Variants in EIF3E observed in about 807,000 individuals in gnomAD.
EIF3E encodes the protein eIF-3 p48.
A neutral mutation model predicts 59.3 loss-of-function variants in EIF3E; 25 were observed. The ratio of observed to expected loss-of-function variants is 0.42; its 90% CI spans 0.31 to 0.59. EIF3E has a LOEUF of 0.59. EIF3E is among the 20% of genes least tolerant of loss of function. The pLI is 0.15. For missense variants in EIF3E, 317 were observed against 534.3 expected, an observed-to-expected ratio of 0.59 and a Z score of 4.01; for synonymous variants, 176 against 170.2, an observed-to-expected ratio of 1.03 and a Z score of -0.26.
At chr8:108,233,332 A>C (rs1815658383) in intron 5 of EIF3E, 1 of 152,226 alleles carries the variant, frequency 6.6e-6, no homozygotes, top group African/African-American at 2.4e-5. Context: ...TGAATCAGTA[A>C]TACTAATCTC....
intron 1 of EIF3E, chr8:108,242,645 A>AT: frequency 8.7e-7 from 1 of 1,153,192 alleles, no homozygotes; most frequent in Non-Finnish European, 1.1e-6. Flanking sequence ...GTCAAAGGGT[A>AT]TTTAGCCATG....
intron 3 of EIF3E, among the ~76,000 whole-genome samples, chr8:108,238,166 A>G (rs1194779153): frequency 1.3e-5 from 2 of 152,230 alleles, no homozygotes; most frequent in Non-Finnish European, 2.9e-5. Context: ...AATCACCTAC[A>G]TGTGACCTGA....
At chr8:108,227,583 G>C (rs946377402) in intron 7 of EIF3E, 20 of 152,056 alleles carry the variant, frequency 1.3e-4, no homozygotes, top group Admixed American at 9.2e-4. Context: ...AATACTAAAG[G>C]GTCTGAAAAA....
At chr8:108,221,702 T>C (rs534395534) in intron 7 of EIF3E, 2 of 152,066 alleles carry the variant, frequency 1.3e-5, no homozygotes, top group Non-Finnish European at 2.9e-5. Context: ...GGATTTGTAG[T>C]AAACTGAGAA....
At chr8:108,212,258 T>A (rs1815224614) in intron 10 of EIF3E, among the ~76,000 whole-genome samples, 1 of 152,176 alleles carries the variant, frequency 6.6e-6, no homozygotes, top group Admixed American at 6.5e-5. Context: ...CATATATTCA[T>A]ATATATGATA....
chr8:108,228,538 C>A, intron 6 of EIF3E, 147 bp from the exon 7 acceptor site: 1 of 512,548 alleles, frequency 2.0e-6, no homozygotes, highest in Non-Finnish European at 3.1e-6. Flanking sequence ...GTCCGACCCC[C>A]TATGCCTTCT....
At chr8:108,229,428 A>G (rs1815581141) in intron 5 of EIF3E, 2 of 309,912 alleles carry the variant, frequency 6.5e-6, no homozygotes, top group African/African-American at 4.3e-5. Context: ...AATAACTTTT[A>G]TAACTAGGAA....
At chr8:108,240,158 CA>C (rs1476462468) in intron 2 of EIF3E, 83 bp from the exon 3 acceptor site, 1 of 1,122,190 alleles carries the variant, frequency 8.9e-7, no homozygotes, top group Non-Finnish European at 1.4e-6. Context: ...GGAAATTTTT[CA>C]GTGTATTTAA....
chr8:108,236,621 A>C (rs1226479667), intron 3 of EIF3E, among the ~76,000 whole-genome samples: 1 of 152,214 alleles, frequency 6.6e-6, no homozygotes, highest in Admixed American at 6.5e-5. Context: ...GACTGAAATA[A>C]ATGTACCATG....
At chr8:108,210,949 G>A (rs1369585612) in intron 10 of EIF3E, among the ~76,000 whole-genome samples, 4 of 152,150 alleles carry the variant, frequency 2.6e-5, no homozygotes, top group South Asian at 2.1e-4. Flanking sequence ...TGGCTGCATA[G>A]TATTCCATGG....
intron 8 of EIF3E, 38 bp from the exon 9 acceptor site, chr8:108,216,551 C>G: frequency 7.0e-7 from 1 of 1,422,010 alleles, no homozygotes; most frequent in Non-Finnish European, 9.8e-7. Flanking sequence ...AAGTCTGATT[C>G]AACATTGTTT....
chr8:108,207,016 T>A (rs1335028771), intron 10 of EIF3E, among the ~76,000 whole-genome samples: 1 of 152,192 alleles, frequency 6.6e-6, no homozygotes, highest in African/African-American at 2.4e-5. Context: ...TATTTGTTGA[T>A]CTTTACTTTT....
intron 10 of EIF3E, among the ~76,000 whole-genome samples, chr8:108,208,718 C>A (rs1043718763): frequency 2.6e-5 from 4 of 152,014 alleles, no homozygotes; most frequent in African/African-American, 9.7e-5. Context: ...ACTTAAGTAA[C>A]CCCCATTGGG....
chr8:108,235,663 GA>G (rs1308695314), intron 4 of EIF3E, among the ~76,000 whole-genome samples: 1 of 152,204 alleles, frequency 6.6e-6, no homozygotes, highest in Admixed American at 6.5e-5. Context: ...TGACGGTTAG[GA>G]AAGCTTACGA....
chr8:108,216,582 C>A (rs1815310279), intron 8 of EIF3E, 69 bp from the exon 9 acceptor site: 1 of 1,041,088 alleles, frequency 9.6e-7, no homozygotes, highest in Non-Finnish European at 1.4e-6. Context: ...CCCAGAATAT[C>A]CCAATCTTCT....
intron 10 of EIF3E, among the ~76,000 whole-genome samples, chr8:108,205,290 C>T (rs1251147405): frequency 1.3e-5 from 2 of 152,094 alleles, no homozygotes; most frequent in African/African-American, 4.8e-5. Context: ...CATTCACTGC[C>T]GTTATGTCCA....
In EIF3E at chr8:108,214,518, T is replaced by A. The variant is rs1815267324; in HGVS notation, c.1061+89A>T. 3.3e-6 allele frequency: 3 copies of A among 920,074 alleles called. No individual in the cohort carries two copies. The Admixed American group carries it at 9.6e-5, about 29-fold the overall frequency. 57.0% of individuals were successfully genotyped at this position (920,074 alleles called of 1,614,324 possible). Reference sequence around the variant, plus strand: ...AAAAATAAATAAAAATCCAATTAACTGGAATTCTATTAAGTGTAAATTCAC... The same window carrying A: ...AAAAATAAATAAAAATCCAATTAACAGGAATTCTATTAAGTGTAAATTCAC... On this transcript the variant is annotated intron_variant, in intron 10 of 12. Transcript: ENST00000220849.
chr8:108,207,288 C>T (rs1815119484), intron 10 of EIF3E, among the ~76,000 whole-genome samples: 1 of 151,976 alleles, frequency 6.6e-6, no homozygotes, highest in African/African-American at 2.4e-5. Flanking sequence ...CTGGGCAACA[C>T]AGCAAGACCC....
chr8:108,244,049 T>TTG (rs1182891439), intron 1 of EIF3E, among the ~76,000 whole-genome samples: 3 of 152,186 alleles, frequency 2.0e-5, no homozygotes, highest in African/African-American at 7.2e-5. Flanking sequence ...CTTCAGACTT[T>TTG]GTATCAAGAA....
Sources: gnomAD v4.1 joint callset for allele counts (sites outside exome capture counted in the v4.1 genomes callset) on GRCh38, gnomAD v4.1.1 for gene constraint, MANE v1.5 for transcripts, NCBI Gene and HGNC (gene_info 2026-07-23, HGNC 2026-07-21) for gene names.